Variants in GTF2A1L observed in about 807,000 individuals in gnomAD.
GTF2A1L encodes the protein general transcription factor IIA subunit 1 like.
GTF2A1L carries 48 observed loss-of-function variants against 49.7 expected under a neutral mutation model. The observed-to-expected ratio is 0.97, with a 90% CI of 0.77 to 1.23. GTF2A1L has a LOEUF of 1.23. GTF2A1L is among the 50% of genes most tolerant of loss of function. GTF2A1L has a pLI of 0.00. For synonymous variants in GTF2A1L, 246 were observed against 193.5 expected, an observed-to-expected ratio of 1.27 and a Z score of -2.25; for missense variants, 736 against 564.8, an observed-to-expected ratio of 1.30 and a Z score of -3.07.
At chr2:48,676,382 AG>A (rs1241077716) in intron 8 of GTF2A1L, among the ~76,000 whole-genome samples, 1 of 151,868 alleles carries the variant, frequency 6.6e-6, no homozygotes, top group Non-Finnish European at 1.5e-5. Flanking sequence ...TCTGGGTCAA[AG>A]GGCAAATGTA....
In GTF2A1L at chr2:48,642,423, G is replaced by A; in HGVS notation, c.269G>A (p.Gly90Asp). The change falls in exon 4 of 9, where the codon GGT (glycine) becomes GAT (aspartate). Residue 90 changes from glycine to aspartate, a missense_variant. Transcript: ENST00000403751. ...GCAGCATCATTAGTTATTCCTGCTG[G>A]TAGAACTCTTCCAAGTTTTACCACA... is the stretch of plus-strand genomic sequence containing the variant. ...SSTASLVIPA[G>D]RTLPSFTTAE... 7 of 1,592,746 alleles carry A rather than the reference G, an allele frequency of 4.4e-6. No individual in the cohort carries two copies. The highest frequency in any genetic ancestry group is 6.0e-6 in the Non-Finnish European group (7 of 1,166,134).
chr2:48,644,184 T>A (rs903315718), intron 4 of GTF2A1L, among the ~76,000 whole-genome samples: 3 of 152,230 alleles, frequency 2.0e-5, no homozygotes, highest in African/African-American at 7.2e-5. Flanking sequence ...AAAATAAAAA[T>A]GCAAAACATT....
intron 3 of GTF2A1L, among the ~76,000 whole-genome samples, chr2:48,623,429 T>A (rs998608210): frequency 2.6e-5 from 4 of 152,162 alleles, no homozygotes; most frequent in Admixed American, 2.6e-4. Flanking sequence ...GAAAAACAGA[T>A]GTTGGTGAAG....
At chr2:48,624,769 T>A (rs2104078409) in intron 3 of GTF2A1L, among the ~76,000 whole-genome samples, 1 of 143,864 alleles carries the variant, frequency 7.0e-6, no homozygotes, top group African/African-American at 2.5e-5. Context: ...GTGGTTTTTT[T>A]TTTTTAACAT....
At chr2:48,638,543 C>G (rs1036351732) in intron 3 of GTF2A1L, among the ~76,000 whole-genome samples, 9 of 152,112 alleles carry the variant, frequency 5.9e-5, no homozygotes, top group African/African-American at 2.2e-4. Context: ...GTTAAAAACT[C>G]TCAAGAAACT....
At position 48,633,240 on chromosome 2, in the gene GTF2A1L, A is replaced by G. The variant is rs569556440; in HGVS notation, c.248-9162A>G. The G allele has an allele frequency of 2.2e-3, 386 of 178,758 alleles. 1 individual carries two copies. Among genetic ancestry groups the G allele is most frequent in the African/African-American group, 4.7e-3 (197 of 42,310 alleles). 11.1% of individuals were successfully genotyped at this position (178,758 alleles called of 1,614,324 possible). ...AATGTTACCCTCTGTCCTACTGACT[A>G]TCTTCTTCCCCACCCCCCCGTCCCA... On this transcript the variant is annotated intron_variant, in intron 3 of 8. Transcript: ENST00000403751.
chr2:48,648,915 T>A (rs1325962016), intron 6 of GTF2A1L, among the ~76,000 whole-genome samples: 1 of 152,138 alleles, frequency 6.6e-6, no homozygotes, highest in African/African-American at 2.4e-5. Flanking sequence ...CTGAACTAAT[T>A]TTCAAAGACT....
chr2:48,679,261 T>C (rs1679635822), intron 8 of GTF2A1L, 74 bp from the exon 9 acceptor site: 1 of 1,550,304 alleles, frequency 6.5e-7, no homozygotes, highest in Non-Finnish European at 8.7e-7. Context: ...TAATCCCATT[T>C]ACTGTAGCAG....
chr2:48,673,249 T>C (rs1418072577), intron 8 of GTF2A1L, among the ~76,000 whole-genome samples: 2 of 152,130 alleles, frequency 1.3e-5, no homozygotes, highest in Admixed American at 1.3e-4. Flanking sequence ...AAGTAATACC[T>C]TTTCCTTACC....
intron 3 of GTF2A1L, among the ~76,000 whole-genome samples, chr2:48,631,370 G>C (rs1676560696): frequency 6.6e-6 from 1 of 152,020 alleles, no homozygotes. Flanking sequence ...TATGTTTCTA[G>C]GAATTTATCC....
chr2:48,663,231 C>G (rs1441169300), intron 6 of GTF2A1L, among the ~76,000 whole-genome samples: 1 of 151,908 alleles, frequency 6.6e-6, no homozygotes, highest in Non-Finnish European at 1.5e-5. Flanking sequence ...TTCAGGAGTT[C>G]AAGACCAGCC....
At chr2:48,664,753 A>C (rs1227881105) in intron 6 of GTF2A1L, among the ~76,000 whole-genome samples, 2 of 152,116 alleles carry the variant, frequency 1.3e-5, no homozygotes, top group Non-Finnish European at 2.9e-5. Context: ...GGATTTATCC[A>C]TTTTACTTAA....
chr2:48,671,786 C>G, intron 8 of GTF2A1L, 106 bp downstream of exon 8: 1 of 1,097,092 alleles, frequency 9.1e-7, no homozygotes, highest in Non-Finnish European at 1.3e-6. Flanking sequence ...CACAATTAAT[C>G]AAAACAGCAG....
intron 3 of GTF2A1L, among the ~76,000 whole-genome samples, chr2:48,630,935 T>C (rs540475441): frequency 6.6e-6 from 1 of 152,344 alleles, no homozygotes; most frequent in Non-Finnish European, 1.5e-5. Flanking sequence ...TTGATTTGCA[T>C]ATGTTGAACC....
intron 4 of GTF2A1L, 51 bp downstream of exon 4, chr2:48,642,508 G>A (rs111701093): frequency 1.6e-5 from 23 of 1,480,476 alleles, no homozygotes; most frequent in African/African-American, 2.8e-5. Flanking sequence ...CACTGTTAGC[G>A]AGTGGTGGCA....
chr2:48,644,432 A>G (rs1415338259), intron 4 of GTF2A1L, among the ~76,000 whole-genome samples: 1 of 152,218 alleles, frequency 6.6e-6, no homozygotes, highest in Admixed American at 6.5e-5. Context: ...AGTTTAATTA[A>G]CAAACTTTTG....
intron 6 of GTF2A1L, among the ~76,000 whole-genome samples, chr2:48,660,936 C>T (rs1352655360): frequency 1.3e-5 from 2 of 152,052 alleles, no homozygotes; most frequent in African/African-American, 2.4e-5. Context: ...ACACCATGGC[C>T]GACCCTCATT....
Position 48,645,718 on chromosome 2 carries a change from T to G in GTF2A1L, c.388+601T>G, listed in dbSNP as rs1383151465. On this transcript the variant is annotated intron_variant, in intron 5 of 8. Coordinates refer to ENST00000403751, the MANE Select transcript of GTF2A1L (RefSeq NM_006872.5). The stretch of plus-strand genomic sequence containing the variant: ...CGCTGTAGTGCAGTGGCGCAATCTC[T>G]GCTCACTGCAAGCTCCGCCTCCTGG... Among the ~76,000 whole-genome samples, 8 of 152,168 alleles carry G rather than the reference T, an allele frequency of 5.3e-5. No individual in the cohort carries two copies. The South Asian group carries it at 6.2e-4, about 12-fold the overall frequency.
chr2:48,678,661 G>C (rs890332640), intron 8 of GTF2A1L, among the ~76,000 whole-genome samples: 1 of 151,998 alleles, frequency 6.6e-6, no homozygotes, highest in Admixed American at 6.6e-5. Context: ...GCTGATTTAT[G>C]GAATCTAGAA....
Sources: allele counts gnomAD v4.1 joint callset (sites outside exome capture counted in the v4.1 genomes callset), GRCh38; gene constraint gnomAD v4.1.1; transcripts MANE v1.5; gene names NCBI Gene and HGNC (gene_info 2026-07-23, HGNC 2026-07-21).